Variants in ZC3H11A observed in about 807,000 individuals in gnomAD.
ZC3H11A encodes the protein zinc finger CCCH domain-containing protein 11A.
In ZC3H11A, 22 loss-of-function variants were observed where a neutral mutation model predicts 90.8. The observed-to-expected ratio is 0.24, with a 90% CI of 0.17 to 0.35. The LOEUF (loss-of-function observed/expected upper bound fraction) is 0.35, where lower values mean the gene tolerates loss of function less well. ZC3H11A is among the 10% of genes least tolerant of loss of function. The pLI, the probability that ZC3H11A is intolerant of heterozygous loss-of-function variation, is 1.00. For missense variants in ZC3H11A, 701 were observed against 964.9 expected (o/e 0.73, Z 3.62); for synonymous variants, 294 against 339.8 (o/e 0.87, Z 1.48).
In ZC3H11A at chr1:203,853,495, A is replaced by C. The variant is rs1689662148; in HGVS notation, c.*1096A>C. On this transcript the variant is annotated 3_prime_UTR_variant, in exon 18 of 18. Coordinates refer to ENST00000367210, the MANE Select transcript of ZC3H11A (RefSeq NM_001376342.1). Reference sequence around the variant, plus strand: ...TTTCCTTCATATCACCTCAAGGTTTAGATTTGTGAAGGAATAAGCATGATG... The same window carrying C: ...TTTCCTTCATATCACCTCAAGGTTTCGATTTGTGAAGGAATAAGCATGATG... 3 of 152,484 alleles carry C rather than the reference A, an allele frequency of 2.0e-5. No homozygotes were observed. The highest frequency in any genetic ancestry group is 6.6e-5 in the Admixed American group (1 of 15,260). 9.4% of individuals were successfully genotyped at this position (152,484 alleles called of 1,614,324 possible). A position where few individuals can be genotyped will look rare whatever the true frequency, so the allele number is the denominator to read the frequency against.
At chr1:203,837,421 G>A (rs35714127) in intron 10 of ZC3H11A, among the ~76,000 whole-genome samples, 16,431 of 150,354 alleles carry the variant, frequency 0.11, 1,148 homozygotes, top group Non-Finnish European at 0.15. Context: ...AAATGTTTGT[G>A]TATTCTAATT....
intron 4 of ZC3H11A, among the ~76,000 whole-genome samples, chr1:203,820,468 A>ATGTGTGTGTGTGTGTGTG (rs71145033): frequency 4.7e-5 from 7 of 150,382 alleles, no homozygotes; most frequent in African/African-American, 1.5e-4. Context: ...ATCACAAATT[A>ATGTGTGTGTGTGTGTGTG]TGTGTGTGTG....
At chr1:203,814,742 T>C (rs1675686014) in intron 2 of ZC3H11A, among the ~76,000 whole-genome samples, 1 of 152,224 alleles carries the variant, frequency 6.6e-6, no homozygotes, top group Non-Finnish European at 1.5e-5. Context: ...TTTTTTGTTT[T>C]TGGTTTTTTA....
At position 203,829,574 on chromosome 1, in the gene ZC3H11A, T is replaced by C. The variant is rs1009605306; in HGVS notation, c.422T>C (p.Val141Ala). 17 of 1,614,040 alleles carry C rather than the reference T, an allele frequency of 1.1e-5. No individual in the cohort carries two copies. The highest frequency in any genetic ancestry group is 1.7e-5 in the Admixed American group (1 of 59,998). Residue 141 changes from valine to alanine, a missense_variant, in exon 6 of 18, where the codon GTA becomes GCA. Physicochemically the swap from Val to Ala is moderately conservative, Grantham distance 64. This residue lies in a region of ZC3H11A where 530 missense variants were observed against 696.2 expected (regional missense o/e 0.76). Transcript: ENST00000367210. ...PSPQLRSVMK[V>A]ESSENVPSPT... ...CCTCAGCTGCGGAGCGTTATGAAAG[T>C]AGAAAGTTCCGAAAATGTTCCTAGC...
At chr1:203,827,650 C>A (rs1047339451) in intron 4 of ZC3H11A, among the ~76,000 whole-genome samples, 2 of 151,092 alleles carry the variant, frequency 1.3e-5, no homozygotes, top group Non-Finnish European at 2.9e-5. Flanking sequence ...CCACTGCACT[C>A]CAGCCTGGGT....
intron 4 of ZC3H11A, among the ~76,000 whole-genome samples, chr1:203,821,112 G>T (rs1678515492): frequency 6.6e-6 from 1 of 152,058 alleles, no homozygotes; most frequent in South Asian, 2.1e-4. Flanking sequence ...GATCATGGGG[G>T]CGGTTTCCCC....
intron 10 of ZC3H11A, among the ~76,000 whole-genome samples, chr1:203,834,700 C>T (rs879469948): frequency 6.6e-6 from 1 of 150,996 alleles, no homozygotes; most frequent in Non-Finnish European, 1.5e-5. Context: ...CCCACGCTGG[C>T]GTGCACTGGC....
At position 203,848,328 on chromosome 1, in the gene ZC3H11A, C is replaced by A; in HGVS notation, c.1547-3C>A. On this transcript the variant is annotated splice_polypyrimidine_tract_variant and splice_region_variant and intron_variant, in intron 13 of 17. Coordinates refer to ENST00000367210, the MANE Select transcript of ZC3H11A (RefSeq NM_001376342.1). ...ACTAATGATGTCTTTAATGTGAATACAGGGATGAAAGAAGAGAAGAACCTT... is the reference window on the plus strand; with the variant it reads ...ACTAATGATGTCTTTAATGTGAATAAAGGGATGAAAGAAGAGAAGAACCTT... 6.2e-7 allele frequency: 1 copy of A among 1,610,520 alleles called. No homozygotes were observed. The highest frequency in any genetic ancestry group is 8.5e-7 in the Non-Finnish European group (1 of 1,178,412).
At chr1:203,805,942 TTCATAGCA>T in intron 2 of ZC3H11A, 1 of 642,674 alleles carries the variant, frequency 1.6e-6, no homozygotes, top group Non-Finnish European at 3.0e-6. Context: ...TGCTCCCAGT[TTCATAGCA>T]TCAACCGTGG....
At position 203,847,566 on chromosome 1, in the gene ZC3H11A, A is replaced by G. The variant is rs552383393; in HGVS notation, c.1425A>G (p.Glu475=). ...SMQEVHIKTL[E]EIKLEKALRV... ...AGGAGGTGCACATCAAGACGCTGGA[A>G]GAAATTAAACTGGAGAAGGCACTGA... is the stretch of plus-strand genomic sequence containing the variant. The change falls in exon 13 of 18, where the codon GAA becomes GAG. Residue 475 remains glutamate, a synonymous_variant. Transcript: ENST00000367210. 110 of 1,613,920 alleles carry G rather than the reference A, an allele frequency of 6.8e-5. 1 individual carries two copies. In the South Asian group the frequency reaches 1.1e-3, roughly 17 times the overall value.
intron 12 of ZC3H11A, among the ~76,000 whole-genome samples, chr1:203,840,585 C>G (rs1240861394): frequency 6.6e-6 from 1 of 150,434 alleles, no homozygotes; most frequent in Non-Finnish European, 1.5e-5. Context: ...GATTGTTCAT[C>G]ATAGCATTAA....
chr1:203,852,448 T>G lies in ZC3H11A; in HGVS notation c.*49T>G. On this transcript the variant is annotated 3_prime_UTR_variant, in exon 18 of 18. Transcript: ENST00000367210. ...AAAAAAAATCGCCAAAAAACTGGAC[T>G]TAGTTTCATCTATTGTAACATTTAC... is the stretch of plus-strand genomic sequence containing the variant. 1.3e-6 allele frequency: 2 copies of G among 1,599,138 alleles called. No homozygotes were observed. Among genetic ancestry groups the G allele is most frequent in the Non-Finnish European group, 1.7e-6 (2 of 1,173,300 alleles).
At chr1:203,834,535 G>A (rs1406891861) in intron 10 of ZC3H11A, among the ~76,000 whole-genome samples, 3 of 152,204 alleles carry the variant, frequency 2.0e-5, no homozygotes, top group Non-Finnish European at 4.4e-5. Context: ...GCCTCCCAAA[G>A]TACTGCAATT....
intron 2 of ZC3H11A, among the ~76,000 whole-genome samples, chr1:203,807,002 T>A (rs1672634768): frequency 6.6e-6 from 1 of 152,044 alleles, no homozygotes; most frequent in Non-Finnish European, 1.5e-5. Context: ...TGTTAACCCA[T>A]TCCTAGTCCC....
At chr1:203,818,138 A>ATAT in intron 3 of ZC3H11A, among the ~76,000 whole-genome samples, 1 of 152,198 alleles carries the variant, frequency 6.6e-6, no homozygotes, top group Non-Finnish European at 1.5e-5. Context: ...TTTATTTCAG[A>ATAT]TATTACCGTT....
Position 203,853,266 on chromosome 1 carries a change from A to G in ZC3H11A, c.*867A>G, listed in dbSNP as rs1328335452. On this transcript the variant is annotated 3_prime_UTR_variant, in exon 18 of 18. Transcript: ENST00000367210. ...TTTTTTATTTCTAACTCTCCCAACA[A>G]ACCCCTGTTGCCCAGTATTTGTTTG... 6.6e-6 allele frequency: 1 copy of G among 152,588 alleles called. No homozygotes were observed. Among genetic ancestry groups the G allele is most frequent in the East Asian group, 1.9e-4 (1 of 5,186 alleles). 9.5% of individuals were successfully genotyped at this position (152,588 alleles called of 1,614,324 possible).
intron 9 of ZC3H11A, 128 bp from the exon 10 acceptor site, chr1:203,833,663 G>C: frequency 2.3e-6 from 1 of 443,824 alleles, no homozygotes; most frequent in South Asian, 5.4e-5. Flanking sequence ...TTAAGACTGA[G>C]ACCTGATTTT....
chr1:203,849,653 A>C, intron 14 of ZC3H11A, 58 bp from the exon 15 acceptor site: 1 of 1,525,356 alleles, frequency 6.6e-7, no homozygotes, highest in East Asian at 2.3e-5. Context: ...TGGTACTTAC[A>C]TCATACAGGT....
At chr1:203,807,995 G>C (rs1482695901) in intron 2 of ZC3H11A, among the ~76,000 whole-genome samples, 3 of 152,060 alleles carry the variant, frequency 2.0e-5, no homozygotes, top group Non-Finnish European at 4.4e-5. Context: ...TCCTGTCTCG[G>C]CCTCTCAAAG....
Sources: allele counts gnomAD v4.1 joint callset (sites outside exome capture counted in the v4.1 genomes callset), GRCh38; gene constraint gnomAD v4.1.1; regional missense constraint gnomAD v4.1.1; transcripts MANE v1.5; gene names NCBI Gene and HGNC (gene_info 2026-07-23, HGNC 2026-07-21).